Variants in NFIA observed in about 807,000 individuals in gnomAD.
The protein encoded by NFIA is nuclear factor 1 A-type.
Under a neutral mutation model 62.8 loss-of-function variants are expected in NFIA, and 8 were observed. The ratio of observed to expected loss-of-function variants is 0.13; its 90% CI spans 0.07 to 0.23. The LOEUF (loss-of-function observed/expected upper bound fraction) is 0.23. Among genes scored for constraint, NFIA ranks in the 10% least tolerant of loss-of-function variants. The pLI is 1.00. For missense variants in NFIA, 410 were observed against 642.1 expected (o/e 0.64, Z 3.91); for synonymous variants, 235 against 238.1 (o/e 0.99, Z 0.12).
At chr1:61,147,220 G>T (rs1443535082) in intron 2 of NFIA, among the ~76,000 whole-genome samples, 1 of 151,532 alleles carries the variant, frequency 6.6e-6, no homozygotes, top group Admixed American at 6.6e-5. Context: ...GTGCAATCTT[G>T]GTTCACTGCA....
At chr1:61,297,691 A>T (rs1659259989) in intron 3 of NFIA, among the ~76,000 whole-genome samples, 1 of 152,194 alleles carries the variant, frequency 6.6e-6, no homozygotes, top group Admixed American at 6.5e-5. Flanking sequence ...TAAGAGCCAT[A>T]CTTTTTTATG....
chr1:61,215,808 C>T (rs1653578827), intron 2 of NFIA, among the ~76,000 whole-genome samples: 1 of 152,152 alleles, frequency 6.6e-6, no homozygotes, highest in Non-Finnish European at 1.5e-5. Context: ...CTCATTTGCC[C>T]CTTTTTTATG....
At chr1:61,400,870 A>C (rs143923478) in intron 7 of NFIA, among the ~76,000 whole-genome samples, 57 of 152,238 alleles carry the variant, frequency 3.7e-4, no homozygotes, top group Non-Finnish European at 6.9e-4. Context: ...TAGGTACAGT[A>C]AAAACATCCA....
intron 2 of NFIA, among the ~76,000 whole-genome samples, chr1:61,168,687 A>G (rs892300455): frequency 6.6e-6 from 1 of 152,212 alleles, no homozygotes; most frequent in African/African-American, 2.4e-5. Context: ...ATACTCCAGG[A>G]CTATTTCATG....
intron 4 of NFIA, among the ~76,000 whole-genome samples, chr1:61,339,437 A>G (rs1268170697): frequency 6.6e-6 from 1 of 152,216 alleles, no homozygotes; most frequent in East Asian, 1.9e-4. Context: ...TCTTCTGAAT[A>G]TATTATGACT....
intron 2 of NFIA, among the ~76,000 whole-genome samples, chr1:61,148,191 A>T (rs1017728104): frequency 6.6e-6 from 1 of 152,210 alleles, no homozygotes; most frequent in Admixed American, 6.5e-5. Flanking sequence ...CATTTGCAAC[A>T]TGAATAGGAG....
chr1:61,221,472 T>G (rs1458915937), intron 2 of NFIA, among the ~76,000 whole-genome samples: 1 of 152,156 alleles, frequency 6.6e-6, no homozygotes, highest in Non-Finnish European at 1.5e-5. Flanking sequence ...AAAACTTATT[T>G]AAAAATTTTT....
rs188278433 is a variant in NFIA at position 61,407,464 on chromosome 1, C to A, written c.1420+737C>A. Among the ~76,000 whole-genome samples, 3 of 152,260 alleles carry A rather than the reference C, an allele frequency of 2.0e-5. No individual in the cohort carries two copies. In the East Asian group the frequency reaches 5.8e-4, roughly 29 times the overall value. On this transcript the variant is annotated intron_variant, in intron 9 of 10. Coordinates refer to ENST00000403491, the MANE Select transcript of NFIA (RefSeq NM_001134673.4). ...GAGAGAGAGTAATTCTCCAGATATT[C>A]CCTGATGTTTTAGATATGGCAAGGG...
chr1:61,332,582 A>G lies in NFIA; in HGVS notation c.696A>G (p.Ser232=). 6.2e-7 allele frequency: 1 copy of G among 1,613,716 alleles called. No homozygotes were observed. The highest frequency in any genetic ancestry group is 8.5e-7 in the Non-Finnish European group (1 of 1,179,710). The change falls in exon 4 of 11, where the codon TCA becomes TCG. Residue 232 remains serine, a synonymous_variant. Transcript: ENST00000403491. ...VFSVTELVRV[S]QTPIAAGTGP... The stretch of plus-strand genomic sequence containing the variant: ...GTGTCACTGAGCTAGTAAGAGTGTC[A>G]CAGAGTAAGTATAATTTTGCTTTGA...
chr1:61,422,727 C>T (rs936008212), intron 9 of NFIA, among the ~76,000 whole-genome samples: 3 of 139,900 alleles, frequency 2.1e-5, no homozygotes, highest in Non-Finnish European at 4.5e-5. Flanking sequence ...AGCAACATGG[C>T]GAGACCCCCG....
At chr1:61,297,219 A>C (rs1375440518) in intron 3 of NFIA, among the ~76,000 whole-genome samples, 1 of 152,186 alleles carries the variant, frequency 6.6e-6, no homozygotes, top group East Asian at 1.9e-4. Flanking sequence ...TTCATTAGTT[A>C]GTATTCATTT....
At chr1:61,167,526 C>A (rs575497843) in intron 2 of NFIA, among the ~76,000 whole-genome samples, 1 of 152,050 alleles carries the variant, frequency 6.6e-6, no homozygotes, top group African/African-American at 2.4e-5. Context: ...TTTTTGGTAG[C>A]GGTGTTTCTG....
chr1:61,209,610 G>T (rs982592787), intron 2 of NFIA, among the ~76,000 whole-genome samples: 3 of 151,900 alleles, frequency 2.0e-5, no homozygotes, highest in Admixed American at 6.6e-5. Context: ...GATCACCTGA[G>T]GTCAGGAGTT....
intron 2 of NFIA, among the ~76,000 whole-genome samples, chr1:61,246,570 G>C (rs1400398436): frequency 6.7e-6 from 1 of 150,224 alleles, no homozygotes; most frequent in Non-Finnish European, 1.5e-5. Flanking sequence ...GAAGGGATTA[G>C]ACTAAAACAA....
intron 2 of NFIA, among the ~76,000 whole-genome samples, chr1:61,160,641 T>C (rs1649128433): frequency 6.6e-6 from 1 of 152,174 alleles, no homozygotes; most frequent in African/African-American, 2.4e-5. Context: ...TCGGAATAGA[T>C]TATAATTGCA....
chr1:61,113,561 T>G (rs1646742079), intron 2 of NFIA, among the ~76,000 whole-genome samples: 1 of 126,904 alleles, frequency 7.9e-6, no homozygotes, highest in African/African-American at 3.0e-5. Flanking sequence ...ACCATTGCAC[T>G]CCAGCCTGGG....
chr1:61,289,447 T>C (rs1658724806), intron 3 of NFIA, among the ~76,000 whole-genome samples: 1 of 152,294 alleles, frequency 6.6e-6, no homozygotes, highest in Non-Finnish European at 1.5e-5. Context: ...AGAATTTAAG[T>C]AGCTTGTCCT....
chr1:61,086,725 G>A (rs550464700), intron 1 of NFIA, among the ~76,000 whole-genome samples: 3 of 152,130 alleles, frequency 2.0e-5, no homozygotes, highest in South Asian at 4.1e-4. Flanking sequence ...TAAACAACAC[G>A]ACTATTAAAT....
At chr1:61,345,703 G>T (rs1662193876) in intron 4 of NFIA, among the ~76,000 whole-genome samples, 1 of 152,168 alleles carries the variant, frequency 6.6e-6, no homozygotes. Flanking sequence ...CTGGGTTGCA[G>T]CCTCCTTATG....
Sources: allele counts gnomAD v4.1 joint callset (sites outside exome capture counted in the v4.1 genomes callset), GRCh38; gene constraint gnomAD v4.1.1; transcripts MANE v1.5; gene names NCBI Gene and HGNC (gene_info 2026-07-23, HGNC 2026-07-21).